The following GPATCH2 variants were observed in gnomAD, a reference collection of about 807,000 sequenced individuals.
GPATCH2 encodes the protein G-patch domain containing 2.
In GPATCH2, 51 loss-of-function variants were observed where a neutral mutation model predicts 58.0. That is an observed-to-expected ratio of 0.88 (90% CI 0.70 to 1.11). The LOEUF (loss-of-function observed/expected upper bound fraction) is 1.11, where lower values mean the gene tolerates loss of function less well. Among genes scored for constraint, GPATCH2 ranks in the 50% most tolerant of loss-of-function variants. GPATCH2 has a pLI of 0.00. For missense variants in GPATCH2, 625 were observed against 652.2 expected, an observed-to-expected ratio of 0.96 and a Z score of 0.45; for synonymous variants, 222 against 218.5, an observed-to-expected ratio of 1.02 and a Z score of -0.14.
At chr1:217,443,624 C>T (rs1453021938) in intron 9 of GPATCH2, among the ~76,000 whole-genome samples, 1 of 152,052 alleles carries the variant, frequency 6.6e-6, no homozygotes, top group African/African-American at 2.4e-5. Flanking sequence ...TCTCTCTACT[C>T]TTCCTTCTGT....
At chr1:217,581,729 G>A (rs940711526) in intron 5 of GPATCH2, among the ~76,000 whole-genome samples, 14 of 152,146 alleles carry the variant, frequency 9.2e-5, no homozygotes, top group African/African-American at 3.4e-4. Context: ...GAGGCGGGCA[G>A]ATCACGAGGT....
At chr1:217,477,301 A>G (rs567215097) in intron 8 of GPATCH2, among the ~76,000 whole-genome samples, 1 of 152,216 alleles carries the variant, frequency 6.6e-6, no homozygotes, top group African/African-American at 2.4e-5. Context: ...GACTCAGCAC[A>G]TTCCCAGCTG....
chr1:217,507,069 T>C (rs1662599166), intron 6 of GPATCH2, among the ~76,000 whole-genome samples: 1 of 152,232 alleles, frequency 6.6e-6, no homozygotes, highest in Non-Finnish European at 1.5e-5. Flanking sequence ...CCACAACAAC[T>C]GTGATCATGT....
chr1:217,627,120 T>C (rs1290982649), intron 1 of GPATCH2, among the ~76,000 whole-genome samples: 4 of 152,098 alleles, frequency 2.6e-5, no homozygotes, highest in African/African-American at 9.7e-5. Flanking sequence ...ATTCTGTTTA[T>C]TCATCATAAA....
chr1:217,452,602 T>C (rs1169015229), intron 8 of GPATCH2, among the ~76,000 whole-genome samples: 1 of 152,218 alleles, frequency 6.6e-6, no homozygotes, highest in Non-Finnish European at 1.5e-5. Flanking sequence ...TCTTAAAATT[T>C]ATTATGTAGG....
At chr1:217,488,950 C>A (rs1198150162) in intron 8 of GPATCH2, among the ~76,000 whole-genome samples, 4 of 151,738 alleles carry the variant, frequency 2.6e-5, no homozygotes, top group Non-Finnish European at 5.9e-5. Context: ...AGTGCTGTGG[C>A]TTAACAGGTG....
chr1:217,520,234 G>C (rs1663384911), intron 5 of GPATCH2, among the ~76,000 whole-genome samples: 1 of 152,128 alleles, frequency 6.6e-6, no homozygotes, highest in Non-Finnish European at 1.5e-5. Context: ...TTACCTACCA[G>C]ATCTTTTAGT....
chr1:217,598,461 T>G (rs1667959469), intron 5 of GPATCH2, among the ~76,000 whole-genome samples: 1 of 152,036 alleles, frequency 6.6e-6, no homozygotes, highest in South Asian at 2.1e-4. Flanking sequence ...AAATTTTTTT[T>G]TTTTTGAGAC....
intron 5 of GPATCH2, among the ~76,000 whole-genome samples, chr1:217,595,540 C>T (rs1667782926): frequency 6.6e-6 from 1 of 151,074 alleles, no homozygotes; most frequent in Admixed American, 6.6e-5. Flanking sequence ...ACTTTTGTTG[C>T]CCGGGCTGGA....
At chr1:217,561,706 G>C (rs1284559036) in intron 5 of GPATCH2, among the ~76,000 whole-genome samples, 1 of 152,088 alleles carries the variant, frequency 6.6e-6, no homozygotes, top group Non-Finnish European at 1.5e-5. Flanking sequence ...GAAAGTCTGA[G>C]TGACCTACAG....
intron 5 of GPATCH2, among the ~76,000 whole-genome samples, chr1:217,552,190 C>T (rs1024015048): frequency 9.9e-5 from 15 of 152,092 alleles, no homozygotes; most frequent in African/African-American, 3.6e-4. Context: ...TAAAACCTCT[C>T]TGATGTATAT....
intron 5 of GPATCH2, among the ~76,000 whole-genome samples, chr1:217,584,343 A>AT (rs1558503551): frequency 1.3e-4 from 14 of 105,986 alleles, no homozygotes; most frequent in South Asian, 6.2e-4. Context: ...AAAAAAAAAA[A>AT]AATATATATA....
intron 7 of GPATCH2, among the ~76,000 whole-genome samples, chr1:217,494,486 C>T (rs1231653917): frequency 1.3e-5 from 2 of 152,224 alleles, no homozygotes; most frequent in Middle Eastern, 6.3e-3. Flanking sequence ...CGCCTGTAAT[C>T]CCAGCACTTT....
intron 5 of GPATCH2, among the ~76,000 whole-genome samples, chr1:217,518,709 T>C (rs566600151): frequency 4.6e-5 from 7 of 152,242 alleles, no homozygotes; most frequent in African/African-American, 1.4e-4. Context: ...TTTCTTTTCA[T>C]GTCCACACGT....
intron 1 of GPATCH2, among the ~76,000 whole-genome samples, chr1:217,623,380 T>A (rs61828866): frequency 0.048 from 7,339 of 152,196 alleles, 207 homozygotes; most frequent in Middle Eastern, 0.095. Flanking sequence ...TCTGATTCAA[T>A]CCATTGTAAT....
chr1:217,575,960 T>C (rs1666784906), intron 5 of GPATCH2, among the ~76,000 whole-genome samples: 1 of 152,126 alleles, frequency 6.6e-6, no homozygotes, highest in African/African-American at 2.4e-5. Context: ...CAAGACACCG[T>C]GAGTGCAATG....
intron 5 of GPATCH2, among the ~76,000 whole-genome samples, chr1:217,523,427 C>G (rs1663584838): frequency 1.3e-5 from 2 of 151,546 alleles, no homozygotes; most frequent in Non-Finnish European, 2.9e-5. Flanking sequence ...CAACTTGCAC[C>G]GCCCTTAATC....
rs1658456564 is a variant in GPATCH2 at position 217,429,864 on chromosome 1, T to TCCA, written c.*1280_*1281insTGG. On this transcript the variant is annotated 3_prime_UTR_variant, in exon 10 of 10. Transcript: ENST00000366935. ...AAAAAAAAGAAACAAAAAAACTCTT[T>TCCA]TGGAAAGTGACAAGATTTTAAAAAC... 6.6e-6 allele frequency: 1 copy of TCCA among 151,322 alleles called. No homozygotes were observed. The highest frequency in any genetic ancestry group is 2.4e-5 in the African/African-American group (1 of 41,202). 9.4% of individuals were successfully genotyped at this position (151,322 alleles called of 1,614,324 possible).
intron 2 of GPATCH2, among the ~76,000 whole-genome samples, chr1:217,615,214 T>A (rs923391028): frequency 1.3e-5 from 2 of 152,078 alleles, no homozygotes; most frequent in Admixed American, 6.6e-5. Context: ...ATAGATGAGA[T>A]CTAAATTCAC....
Sources: gnomAD v4.1 joint callset for allele counts (sites outside exome capture counted in the v4.1 genomes callset) on GRCh38, gnomAD v4.1.1 for gene constraint, MANE v1.5 for transcripts, NCBI Gene and HGNC (gene_info 2026-07-23, HGNC 2026-07-21) for gene names.